Variants in CCDC136 observed in about 807,000 individuals in gnomAD.
The protein encoded by CCDC136 is coiled-coil domain-containing protein 136.
Under a neutral mutation model 141.2 loss-of-function variants are expected in CCDC136, and 100 were observed. The ratio of observed to expected loss-of-function variants is 0.71; its 90% CI spans 0.60 to 0.84. The LOEUF (loss-of-function observed/expected upper bound fraction) is 0.84, where lower values mean the gene tolerates loss of function less well. Among genes scored for constraint, CCDC136 ranks in the 40% least tolerant of loss-of-function variants. The pLI is 0.00. For synonymous variants in CCDC136, 474 were observed against 531.9 expected (o/e 0.89, Z 1.50); for missense variants, 1,206 against 1,379.4 (o/e 0.87, Z 1.99).
At chr7:128,793,176 C>G (rs1802451965) in intron 1 of CCDC136, among the ~76,000 whole-genome samples, 2 of 152,360 alleles carry the variant, frequency 1.3e-5, no homozygotes, top group African/African-American at 4.8e-5. Flanking sequence ...CAATCACCAT[C>G]CAGACAACAT....
intron 10 of CCDC136, chr7:128,808,936 C>A: frequency 2.0e-6 from 2 of 985,126 alleles, no homozygotes; most frequent in Non-Finnish European, 2.4e-6. Context: ...TCTTCTCAAC[C>A]CAAATTTACC....
At chr7:128,816,048 C>G (rs1000771702) in intron 16 of CCDC136, 117 bp downstream of exon 16, 2 of 975,794 alleles carry the variant, frequency 2.0e-6, no homozygotes, top group African/African-American at 1.7e-5. Flanking sequence ...GCCTCGCGCT[C>G]TAAGGCACAA....
In CCDC136 at chr7:128,794,900, T is replaced by C. The variant is rs1802716448; in HGVS notation, c.346+132T>C. 1 of 696,664 alleles carries C rather than the reference T, an allele frequency of 1.4e-6. No homozygotes were observed. The highest frequency in any genetic ancestry group is 2.5e-5 in the Admixed American group (1 of 40,728). The allele number at this position is 696,664 out of a possible 1,614,324, so 43.2% of individuals were successfully genotyped here. ...TCAGTAATTTCACCTCATTTTCCTC[T>C]ACTAGTCTCACCCTTTTCCTCTCCT... is the stretch of plus-strand genomic sequence containing the variant. On this transcript the variant is annotated intron_variant, in intron 3 of 17. Transcript: ENST00000297788. The surrounding 1 kb of genome is among the most constrained non-coding windows in gnomAD (Gnocchi z 4.3).
Position 128,821,459 on chromosome 7 carries a change from C to T in CCDC136, c.*6-340C>T, listed in dbSNP as rs1203368445. Among the ~76,000 whole-genome samples the T allele has an allele frequency of 3.3e-5, 5 of 152,310 alleles. No homozygotes were observed. The highest frequency in any genetic ancestry group is 1.2e-4 in the African/African-American group (5 of 41,574). On this transcript the variant is annotated intron_variant, in intron 17 of 17. Transcript: ENST00000297788. This position sits in a 1 kb window ranked among gnomAD's most constrained non-coding sequence, Gnocchi z 5.1. ...TTTCTCAAAGCCCCAGATTTCCCCT[C>T]CTCTTTCTTGCCATGGCATCCAGTC...
intron 4 of CCDC136, 66 bp downstream of exon 4, chr7:128,801,575 G>A (rs1050812018): frequency 1.3e-5 from 15 of 1,115,726 alleles, no homozygotes; most frequent in Non-Finnish European, 1.8e-5. Flanking sequence ...ATAGGAAAAT[G>A]GTAGAAGGTG....
intron 4 of CCDC136, among the ~76,000 whole-genome samples, chr7:128,803,063 T>C (rs981198002): frequency 6.6e-6 from 1 of 152,252 alleles, no homozygotes; most frequent in African/African-American, 2.4e-5. Context: ...AAGTTACTTT[T>C]AGGGTGTTGA....
chr7:128,796,739 A>ATTT (rs1554377202), intron 3 of CCDC136, among the ~76,000 whole-genome samples: 5 of 113,376 alleles, frequency 4.4e-5, no homozygotes, highest in African/African-American at 1.8e-4. Context: ...ATATATATAT[A>ATTT]TTCTTTTTTT....
chr7:128,814,787 G>T lies in CCDC136; in HGVS notation c.2913G>T (p.Arg971Ser). ...QEELRQLREK[R>S]PSVVKEARGK... ...AGCTCCGCCAGCTCAGGGAGAAGAG[G>T]CCTTCTGTTGTCAAAGAAGCCCGGG... The change falls in exon 15 of 18, where the codon AGG becomes AGT. Residue 971 changes from arginine to serine, a missense_variant. Physicochemically the swap from Arg to Ser is moderately radical, Grantham distance 110 (BLOSUM62 -1). Coordinates refer to ENST00000297788, the MANE Select transcript of CCDC136 (RefSeq NM_022742.5). 1 of 1,613,036 alleles carries T rather than the reference G, an allele frequency of 6.2e-7. No homozygotes were observed. Among genetic ancestry groups the T allele is most frequent in the Non-Finnish European group, 8.5e-7 (1 of 1,179,456 alleles).
rs776571045 is a variant in CCDC136, at chr7:128,801,470, TC to T, written c.633del (p.Gly212ValfsTer3). ...AEMEMKSSEPSGSLGLSDYSG... is the reference protein window; with the variant it reads ...AEMEMKSSEPXGSLGLSDYSG... ...AATGGAAATGAAGAGCTCTGAACCA[TC>T]CGGTAGTTTAGGTCTCTCAGATTAC... On this transcript the variant is annotated frameshift_variant, in exon 4 of 18. Coordinates refer to ENST00000297788, the MANE Select transcript of CCDC136 (RefSeq NM_022742.5). LOFTEE classifies it high-confidence loss of function. The T allele has an allele frequency of 5.6e-6, 9 of 1,609,256 alleles. No individual in the cohort carries two copies. Among genetic ancestry groups the T allele is most frequent in the African/African-American group, 2.7e-5 (2 of 74,794 alleles).
upstream of CCDC136, chr7:128,791,441 C>A: frequency 7.9e-7 from 1 of 1,272,188 alleles, no homozygotes; most frequent in Non-Finnish European, 1.0e-6. This position sits in a 1 kb window ranked among gnomAD's most constrained non-coding sequence, Gnocchi z 7.1. Flanking sequence ...GGTCCCCGGG[C>A]TCGCGGCTGC....
chr7:128,791,677 C>A, upstream of CCDC136: 1 of 610,194 alleles, frequency 1.6e-6, no homozygotes, highest in Non-Finnish European at 2.4e-6. This position sits in a 1 kb window ranked among gnomAD's most constrained non-coding sequence, Gnocchi z 7.1. Context: ...GTCTTCCTCC[C>A]TCCATCCTGG....
At chr7:128,811,299 C>CAGAGAGCCTGGGA (rs11267939) in intron 12 of CCDC136, 305,031 of 451,190 alleles carry the variant, frequency 0.68, 105,567 homozygotes, top group African/African-American at 0.88. Context: ...AAGCCAGGCC[C>CAGAGAGCCTGGGA]AACATGCCCA....
intron 16 of CCDC136, 112 bp downstream of exon 16, chr7:128,816,043 G>A (rs1172315359): frequency 1.7e-5 from 17 of 1,004,734 alleles, no homozygotes; most frequent in East Asian, 1.6e-4. Context: ...TGGAGGCCTC[G>A]CGCTCTAAGG....
chr7:128,806,216 C>T, intron 7 of CCDC136, 21 bp from the exon 8 acceptor site: 1 of 1,537,232 alleles, frequency 6.5e-7, no homozygotes, highest in Non-Finnish European at 8.8e-7. Flanking sequence ...AACTGTTCTA[C>T]TCACATCCTC....
At chr7:128,813,458 C>G (rs17165209) in intron 14 of CCDC136, among the ~76,000 whole-genome samples, 3,541 of 152,176 alleles carry the variant, frequency 0.023, 57 homozygotes, top group Non-Finnish European at 0.03. Context: ...CAGAGAGCAG[C>G]GAACACATGG....
In CCDC136 at chr7:128,811,844, G is replaced by A; in HGVS notation, c.2073G>A (p.Met691Ile). The change falls in exon 13 of 18, where the codon ATG (methionine) becomes ATA (isoleucine). Residue 691 changes from methionine (M) to isoleucine (I), a missense_variant. Transcript: ENST00000297788. ...AGCAGATGCAGGCCCTGCAGGTGATGTATGACGCCGGTCAGGCGAAGCAGG... is the reference window on the plus strand; with the variant it reads ...AGCAGATGCAGGCCCTGCAGGTGATATATGACGCCGGTCAGGCGAAGCAGG... ...LMEQMQALQV[M>I]YDAGQAKQEL... 6.2e-7 allele frequency: 1 copy of A among 1,608,404 alleles called. No homozygotes were observed.
chr7:128,800,373 C>T (rs1803825186), intron 3 of CCDC136, among the ~76,000 whole-genome samples: 1 of 152,148 alleles, frequency 6.6e-6, no homozygotes, highest in Admixed American at 6.5e-5. Context: ...TCACAGCAAC[C>T]TCTGCCTCCC....
chr7:128,817,855 C>G lies in CCDC136; in HGVS notation c.3461C>G (p.Ser1154Cys). 6.2e-7 allele frequency: 1 copy of G among 1,613,136 alleles called. No homozygotes were observed. Residue 1154 changes from serine to cysteine, a missense_variant, in exon 17 of 18, where the codon TCC (serine) becomes TGC (cysteine). Ser to Cys is a moderately radical substitution (Grantham distance 112). Transcript: ENST00000297788. The surrounding 1 kb of genome is among the most constrained non-coding windows in gnomAD (Gnocchi z 4.6). The stretch of plus-strand genomic sequence containing the variant: ...TGGTGCTGGTGGGCTGAGACGTCGT[C>G]CTAATGCAGGTACTGGTATTGCTTC... ...LLWCWWAETS[S>C]
Position 128,817,771 on chromosome 7 carries a change from C to T in CCDC136, c.3377C>T (p.Pro1126Leu), listed in dbSNP as rs180873354. The T allele has an allele frequency of 1.9e-5, 30 of 1,613,714 alleles. No individual in the cohort carries two copies. Among genetic ancestry groups the T allele is most frequent in the Non-Finnish European group, 2.4e-5 (28 of 1,179,706 alleles). The change falls in exon 17 of 18, where the codon CCC (proline) becomes CTC (leucine). Residue 1126 changes from proline to leucine, a missense_variant. Transcript: ENST00000297788. This position sits in a 1 kb window ranked among gnomAD's most constrained non-coding sequence, Gnocchi z 4.6. ...LSESKKSSPT[P>L]NPPIFSLPLV... ...GGTGTGTTGCAGTCATCCCCTACCCCCAATCCCCCCATCTTCTCCTTGCCT... is the reference window on the plus strand; with the variant it reads ...GGTGTGTTGCAGTCATCCCCTACCCTCAATCCCCCCATCTTCTCCTTGCCT...
Sources: allele counts gnomAD v4.1 joint callset (sites outside exome capture counted in the v4.1 genomes callset), GRCh38; gene constraint gnomAD v4.1.1; non-coding constraint Gnocchi (gnomAD v3.1); transcripts MANE v1.5; gene names NCBI Gene and HGNC (gene_info 2026-07-23, HGNC 2026-07-21).